Variants in TGFB1 observed in about 807,000 individuals in gnomAD.
TGFB1 encodes the protein transforming growth factor beta 1.
A neutral mutation model predicts 43.8 loss-of-function variants in TGFB1; 19 were observed. The observed-to-expected ratio is 0.43, with a 90% CI of 0.30 to 0.64. TGFB1 has a LOEUF of 0.64. Ranked by LOEUF, TGFB1 falls within the 30% of genes least tolerant of loss-of-function variation. The pLI, the probability that TGFB1 is intolerant of heterozygous loss-of-function variation, is 0.11. For missense variants in TGFB1, 445 were observed against 529.8 expected, an observed-to-expected ratio of 0.84 and a Z score of 1.57; for synonymous variants, 221 against 236.3, an observed-to-expected ratio of 0.94 and a Z score of 0.60.
chr19:41,346,413 A>G (rs1319651196), intron 2 of TGFB1, among the ~76,000 whole-genome samples: 2 of 152,218 alleles, frequency 1.3e-5, no homozygotes, highest in Non-Finnish European at 2.9e-5. Context: ...GGACTGCAGA[A>G]TAAAGCTGAA....
intron 5 of TGFB1, among the ~76,000 whole-genome samples, chr19:41,339,271 C>T (rs926599069): frequency 1.3e-5 from 2 of 151,894 alleles, no homozygotes; most frequent in African/African-American, 4.8e-5. Flanking sequence ...ACACACCACC[C>T]AGCCAGCTAG....
chr19:41,342,388 CTCTTT>C (rs2038068052), intron 3 of TGFB1, 141 bp from the exon 4 acceptor site: 10 of 566,174 alleles, frequency 1.8e-5, no homozygotes, highest in Non-Finnish European at 2.7e-5. Flanking sequence ...CTGCAGCTCT[CTCTTT>C]TTTTTTTTTT....
chr19:41,332,705 T>C (rs2037947077), intron 5 of TGFB1, among the ~76,000 whole-genome samples: 1 of 152,092 alleles, frequency 6.6e-6, no homozygotes, highest in African/African-American at 2.4e-5. Flanking sequence ...TGAGGACAAA[T>C]GAAACAGATA....
chr19:41,348,237 G>A (rs929168927), intron 2 of TGFB1, 58 bp downstream of exon 2: 53 of 1,603,562 alleles, frequency 3.3e-5, no homozygotes, highest in Non-Finnish European at 4.1e-5. Flanking sequence ...CACCCCCTTG[G>A]TCACAGCTCA....
chr19:41,339,847 T>C (rs2038034300), intron 5 of TGFB1, among the ~76,000 whole-genome samples: 1 of 151,978 alleles, frequency 6.6e-6, no homozygotes, highest in Non-Finnish European at 1.5e-5. Flanking sequence ...ATTTGTTCAT[T>C]GACAGCGTTG....
intron 2 of TGFB1, among the ~76,000 whole-genome samples, 198 bp downstream of exon 2, chr19:41,348,097 A>G (rs1255900037): frequency 1.3e-5 from 2 of 150,982 alleles, no homozygotes; most frequent in Admixed American, 6.6e-5. Flanking sequence ...ATACCACTGC[A>G]CTCCAGCTTG....
At chr19:41,344,971 G>C (rs143645535) in intron 2 of TGFB1, 107 bp from the exon 3 acceptor site, 14 of 1,110,542 alleles carry the variant, frequency 1.3e-5, no homozygotes, top group Admixed American at 2.0e-5. Context: ...CAGGCTTCCA[G>C]AAAGTTCCCA....
chr19:41,352,630 C>G (rs1290343177), intron 1 of TGFB1, 60 bp downstream of exon 1: 10 of 1,588,676 alleles, frequency 6.3e-6, no homozygotes, highest in African/African-American at 5.4e-5. Context: ...ACCCGTGGCC[C>G]CGGCACTCCG....
At chr19:41,350,045 A>G (rs557016103) in intron 1 of TGFB1, among the ~76,000 whole-genome samples, 2 of 152,024 alleles carry the variant, frequency 1.3e-5, no homozygotes, top group South Asian at 4.2e-4. Flanking sequence ...CAGTAGCACA[A>G]CCATGGCTCA....
chr19:41,348,059 G>T (rs1454322028), intron 2 of TGFB1, among the ~76,000 whole-genome samples: 1 of 151,926 alleles, frequency 6.6e-6, no homozygotes, highest in Non-Finnish European at 1.5e-5. Flanking sequence ...TGGAACCCAG[G>T]AGGCGGAGAT....
At chr19:41,339,639 A>G (rs757450657) in intron 5 of TGFB1, among the ~76,000 whole-genome samples, 18 of 152,074 alleles carry the variant, frequency 1.2e-4, no homozygotes, top group Admixed American at 4.6e-4. Flanking sequence ...CCTGACCAAC[A>G]TGGTGAAACC....
chr19:41,349,156 CAGAT>C (rs879766965), intron 1 of TGFB1, among the ~76,000 whole-genome samples: 1 of 152,208 alleles, frequency 6.6e-6, no homozygotes, highest in Non-Finnish European at 1.5e-5. Flanking sequence ...GCTTTGGACT[CAGAT>C]AGTGCCTCTG....
intron 3 of TGFB1, among the ~76,000 whole-genome samples, chr19:41,343,887 CAG>C (rs1485120267): frequency 8.2e-6 from 1 of 121,990 alleles, no homozygotes; most frequent in African/African-American, 3.6e-5. Context: ...AGAAACCAGA[CAG>C]AGACAATCAT....
At chr19:41,334,152 A>G (rs1599883496) in intron 5 of TGFB1, among the ~76,000 whole-genome samples, 1 of 152,106 alleles carries the variant, frequency 6.6e-6, no homozygotes, top group Admixed American at 6.5e-5. Context: ...AGGCGGGTGG[A>G]TCACCTGAGA....
At chr19:41,349,746 G>T (rs1287767050) in intron 1 of TGFB1, among the ~76,000 whole-genome samples, 2 of 152,018 alleles carry the variant, frequency 1.3e-5, no homozygotes, top group African/African-American at 2.4e-5. Context: ...GACAGAGTAA[G>T]ACTCTGTCTC....
At chr19:41,338,557 G>A (rs575358987) in intron 5 of TGFB1, among the ~76,000 whole-genome samples, 2 of 151,114 alleles carry the variant, frequency 1.3e-5, no homozygotes, top group South Asian at 2.1e-4. Flanking sequence ...TGTATTATTC[G>A]GCCGGGAGCA....
rs761100949 is a variant in TGFB1, at chr19:41,352,753, C to G, written c.292G>C (p.Glu98Gln). 2 of 1,613,156 alleles carry G rather than the reference C, an allele frequency of 1.2e-6. No individual in the cohort carries two copies. Among genetic ancestry groups the G allele is most frequent in the Non-Finnish European group, 8.5e-7 (1 of 1,179,682 alleles). ...VAGESAEPEP[E>Q]PEADYYAKEV... ...TTGGCGTAGTAGTCGGCCTCAGGCTCGGGCTCCGGTTCTGCACTCTCCCCG... is the reference window on the plus strand; with the variant it reads ...TTGGCGTAGTAGTCGGCCTCAGGCTGGGGCTCCGGTTCTGCACTCTCCCCG... Residue 98 changes from glutamate (E) to glutamine (Q), a missense_variant, in exon 1 of 7, where the codon GAG becomes CAG. Physicochemically the swap from Glu to Gln is conservative, Grantham distance 29. Coordinates refer to ENST00000221930, the MANE Select transcript of TGFB1 (RefSeq NM_000660.7).
intron 5 of TGFB1, among the ~76,000 whole-genome samples, chr19:41,336,150 C>T (rs1485351725): frequency 6.6e-6 from 1 of 151,932 alleles, no homozygotes; most frequent in Non-Finnish European, 1.5e-5. Context: ...CACACACCAC[C>T]ATACCCAGCT....
intron 5 of TGFB1, among the ~76,000 whole-genome samples, chr19:41,332,758 C>A (rs1005559214): frequency 1.8e-4 from 28 of 152,166 alleles, no homozygotes; most frequent in African/African-American, 6.3e-4. Context: ...AATCCCAGCA[C>A]TTTGGGAGGA....
Sources: gnomAD v4.1 joint callset for allele counts (sites outside exome capture counted in the v4.1 genomes callset) on GRCh38, gnomAD v4.1.1 for gene constraint, MANE v1.5 for transcripts, NCBI Gene and HGNC (gene_info 2026-07-23, HGNC 2026-07-21) for gene names.